CADPS2: variants seen among roughly 807,000 people sequenced by gnomAD.
The protein encoded by CADPS2 is calcium dependent secretion activator 2.
CADPS2 carries 93 observed loss-of-function variants against 172.5 expected under a neutral mutation model. The ratio of observed to expected loss-of-function variants is 0.54; its 90% CI spans 0.46 to 0.64. CADPS2 has a LOEUF of 0.64. Among genes scored for constraint, CADPS2 ranks in the 30% least tolerant of loss-of-function variants. CADPS2 has a pLI of 0.00. For synonymous variants in CADPS2, 546 were observed against 555.2 expected (o/e 0.98, Z 0.23); for missense variants, 1,420 against 1,565.9 (o/e 0.91, Z 1.57).
intron 16 of CADPS2, among the ~76,000 whole-genome samples, chr7:122,439,739 C>T (rs1225438770): frequency 6.6e-6 from 1 of 152,104 alleles, no homozygotes; most frequent in African/African-American, 2.4e-5. Context: ...GACTTTGCAG[C>T]CAGAAAAATC....
chr7:122,610,648 T>C (rs1334938981), intron 6 of CADPS2, among the ~76,000 whole-genome samples: 1 of 152,064 alleles, frequency 6.6e-6, no homozygotes, highest in African/African-American at 2.4e-5. Context: ...ATGTATAAAT[T>C]TACTAAAAAT....
At chr7:122,837,596 TA>T (rs1308808929) in intron 1 of CADPS2, among the ~76,000 whole-genome samples, 2 of 151,940 alleles carry the variant, frequency 1.3e-5, no homozygotes, top group Admixed American at 1.3e-4. Context: ...ATAAAGAGGA[TA>T]TCACCACCGA....
intron 7 of CADPS2, among the ~76,000 whole-genome samples, chr7:122,562,250 CT>C (rs1048031675): frequency 6.6e-6 from 1 of 152,102 alleles, no homozygotes; most frequent in African/African-American, 2.4e-5. Context: ...ATTAAGATTG[CT>C]AACTAGGCAA....
At chr7:122,500,014 C>T (rs1203285260) in intron 9 of CADPS2, among the ~76,000 whole-genome samples, 1 of 152,138 alleles carries the variant, frequency 6.6e-6, no homozygotes, top group Non-Finnish European at 1.5e-5. Flanking sequence ...CCATCAATGA[C>T]TAGCTGCAAT....
At chr7:122,702,765 A>G (rs1262988084) in intron 2 of CADPS2, 1 of 1,546,066 alleles carries the variant, frequency 6.5e-7, no homozygotes, top group African/African-American at 1.4e-5. Context: ...CCATTTGTCT[A>G]TTAAGAGACA....
At chr7:122,842,067 G>A (rs769405879) in intron 1 of CADPS2, among the ~76,000 whole-genome samples, 3 of 152,180 alleles carry the variant, frequency 2.0e-5, no homozygotes, top group Non-Finnish European at 4.4e-5. Context: ...GAGATGAGGA[G>A]CAGCTCCTGA....
chr7:122,557,193 G>A (rs2065136980), intron 7 of CADPS2, among the ~76,000 whole-genome samples: 1 of 152,022 alleles, frequency 6.6e-6, no homozygotes, highest in African/African-American at 2.4e-5. Flanking sequence ...TAGTTTTCAG[G>A]CTCCCAAATT....
intron 6 of CADPS2, among the ~76,000 whole-genome samples, chr7:122,599,532 G>T (rs2072424920): frequency 6.6e-6 from 1 of 152,006 alleles, no homozygotes; most frequent in Non-Finnish European, 1.5e-5. Flanking sequence ...AGAAAAGGAG[G>T]AGTGTGTTTA....
In CADPS2 at chr7:122,799,272, A is replaced by G. The variant is rs539693026; in HGVS notation, c.340-62204T>C. Reference sequence around the variant, plus strand: ...TACAGTATTATTCTTTTCTTTCTAGATTGAGAGAAGACAGAAGCATATTTT... The same window carrying G: ...TACAGTATTATTCTTTTCTTTCTAGGTTGAGAGAAGACAGAAGCATATTTT... On this transcript the variant is annotated intron_variant, in intron 1 of 29. Transcript: ENST00000449022. Among the ~76,000 whole-genome samples the G allele has an allele frequency of 2.5e-4, 38 of 152,296 alleles. 1 individual carries two copies. The South Asian group carries it at 3.3e-3, about 13-fold the overall frequency.
intron 19 of CADPS2, among the ~76,000 whole-genome samples, chr7:122,410,298 C>T (rs1471733551): frequency 6.6e-6 from 1 of 151,886 alleles, no homozygotes; most frequent in African/African-American, 2.4e-5. Flanking sequence ...AAGCCAAGAT[C>T]GCGCCACTGC....
At position 122,513,328 on chromosome 7, in the gene CADPS2, A is replaced by G. The variant is rs1485269673; in HGVS notation, c.1476-13T>C. On this transcript the variant is annotated splice_polypyrimidine_tract_variant and intron_variant, in intron 8 of 29. Coordinates refer to ENST00000449022, the MANE Select transcript of CADPS2 (RefSeq NM_017954.11). ...GGCATACAGATATCTGGAAAGAAAA[A>G]CAAAAGCCAAAGAATACTTCAGATG... The G allele has an allele frequency of 6.5e-7, 1 of 1,539,498 alleles. No homozygotes were observed. The highest frequency in any genetic ancestry group is 2.4e-5 in the East Asian group (1 of 41,460).
chr7:122,675,815 G>A (rs931403560), intron 2 of CADPS2, among the ~76,000 whole-genome samples: 6 of 152,040 alleles, frequency 3.9e-5, no homozygotes, highest in East Asian at 1.9e-4. Flanking sequence ...ACCAGGGCCT[G>A]TTGGGGGCGC....
At chr7:122,476,909 T>C (rs1352845403) in intron 12 of CADPS2, among the ~76,000 whole-genome samples, 1 of 150,186 alleles carries the variant, frequency 6.7e-6, no homozygotes, top group Non-Finnish European at 1.5e-5. Context: ...TTAGTTTCCA[T>C]GAATTTATGG....
intron 1 of CADPS2, among the ~76,000 whole-genome samples, chr7:122,774,240 A>G (rs2093797621): frequency 1.3e-5 from 2 of 149,400 alleles, no homozygotes; most frequent in South Asian, 4.2e-4. Context: ...CTTCAACAAC[A>G]AATATATATA....
intron 1 of CADPS2, among the ~76,000 whole-genome samples, chr7:122,840,770 C>T (rs956838950): frequency 1.3e-5 from 2 of 151,862 alleles, no homozygotes; most frequent in Non-Finnish European, 2.9e-5. Context: ...CCCACTATCA[C>T]CATTAATATT....
At chr7:122,737,301 T>C (rs932904288) in intron 1 of CADPS2, among the ~76,000 whole-genome samples, 45 of 152,162 alleles carry the variant, frequency 3.0e-4, no homozygotes, top group Admixed American at 1.5e-3. Context: ...CTCGGCTCAC[T>C]GCAGCCTCCA....
intron 1 of CADPS2, among the ~76,000 whole-genome samples, chr7:122,739,510 A>C (rs1203218648): frequency 1.3e-5 from 2 of 152,158 alleles, no homozygotes; most frequent in Non-Finnish European, 2.9e-5. Flanking sequence ...CAAGGAAAGG[A>C]GGTTTGGGCA....
At chr7:122,424,341 G>A (rs1585888102) in intron 17 of CADPS2, 15 of 984,634 alleles carry the variant, frequency 1.5e-5, no homozygotes, top group East Asian at 1.1e-4. Context: ...ATTATCTTTC[G>A]CATCTGTAAA....
intron 22 of CADPS2, among the ~76,000 whole-genome samples, chr7:122,389,281 C>T (rs2044081017): frequency 6.6e-6 from 1 of 151,934 alleles, no homozygotes; most frequent in Admixed American, 6.6e-5. Flanking sequence ...GGGAAGCAAT[C>T]TTTTATTTTC....
Sources: gnomAD v4.1 joint callset for allele counts (sites outside exome capture counted in the v4.1 genomes callset) on GRCh38, gnomAD v4.1.1 for gene constraint, MANE v1.5 for transcripts, NCBI Gene and HGNC (gene_info 2026-07-23, HGNC 2026-07-21) for gene names.